Variants in HMCN1 observed in about 807,000 individuals in gnomAD.
The protein encoded by HMCN1 is hemicentin 1.
In HMCN1, 321 loss-of-function variants were observed where a neutral mutation model predicts 625.9. The ratio of observed to expected loss-of-function variants is 0.51; its 90% confidence interval spans 0.47 to 0.56. The LOEUF (loss-of-function observed/expected upper bound fraction) is 0.56. Ranked by LOEUF, HMCN1 falls within the 20% of genes least tolerant of loss-of-function variation. The pLI, the probability that HMCN1 is intolerant of heterozygous loss-of-function variation, is 0.00. For missense variants in HMCN1, 6,588 were observed against 6,887.3 expected, an observed-to-expected ratio of 0.96 and a Z score of 1.54; for synonymous variants, 2,425 against 2,417.6, an observed-to-expected ratio of 1.00 and a Z score of -0.09.
intron 4 of HMCN1, among the ~76,000 whole-genome samples, chr1:185,890,410 C>G (rs1257977509): frequency 6.8e-6 from 1 of 146,754 alleles, no homozygotes; most frequent in Non-Finnish European, 1.5e-5. Flanking sequence ...GTTAGGGTGT[C>G]AATTTTGGAT....
Position 186,007,575 on chromosome 1 carries a change from CTG to C in HMCN1, c.4630+295_4630+296del, listed in dbSNP as rs369980186. ...GTTAGTATATACACAAACCAAATGTCTGTATCTTTGAAAGGAACAAAACAAAC... is the reference window on the plus strand; with the variant it reads ...GTTAGTATATACACAAACCAAATGTCTATCTTTGAAAGGAACAAAACAAAC... On this transcript the variant is annotated intron_variant, in intron 30 of 106. Transcript: ENST00000271588. 7.7e-4 allele frequency among the ~76,000 whole-genome samples: 117 copies of C among 152,200 alleles called. 1 individual carries two copies. Among genetic ancestry groups the C allele is most frequent in the East Asian group, 5.8e-4 (3 of 5,182 alleles).
chr1:185,932,025 T>C (rs2102493364), intron 10 of HMCN1, among the ~76,000 whole-genome samples: 1 of 152,274 alleles, frequency 6.6e-6, no homozygotes, highest in East Asian at 1.9e-4. Context: ...ACCCAAATAT[T>C]GCACGAGGCA....
At chr1:185,849,044 A>G (rs926136812) in intron 2 of HMCN1, among the ~76,000 whole-genome samples, 13 of 151,960 alleles carry the variant, frequency 8.6e-5, no homozygotes, top group Admixed American at 3.9e-4. Flanking sequence ...TACCATATCT[A>G]CTTGACTCTT....
intron 1 of HMCN1, among the ~76,000 whole-genome samples, chr1:185,839,192 T>G (rs1308486203): frequency 1.3e-5 from 2 of 152,180 alleles, no homozygotes; most frequent in Admixed American, 1.3e-4. Flanking sequence ...CCTTCATAAT[T>G]TTTATTTTCT....
chr1:185,934,249 A>G (rs1667702775), intron 11 of HMCN1, among the ~76,000 whole-genome samples: 1 of 152,158 alleles, frequency 6.6e-6, no homozygotes, highest in Non-Finnish European at 1.5e-5. Context: ...TTGTTTAGTA[A>G]TCTCTCACTA....
At chr1:185,743,982 GTTTTT>G (rs1214723950) in intron 1 of HMCN1, among the ~76,000 whole-genome samples, 1,290 of 88,068 alleles carry the variant, frequency 0.015, 5 homozygotes, top group African/African-American at 0.05. Flanking sequence ...TTACTGTTTT[GTTTTT>G]TTTTTTTTTT....
At chr1:186,012,827 C>T (rs1012541296) in intron 30 of HMCN1, among the ~76,000 whole-genome samples, 3 of 151,978 alleles carry the variant, frequency 2.0e-5, no homozygotes, top group African/African-American at 4.8e-5. Context: ...TTTGAAAAAT[C>T]GGGAATATTG....
intron 4 of HMCN1, among the ~76,000 whole-genome samples, chr1:185,874,593 T>C (rs1476143405): frequency 6.6e-6 from 1 of 152,022 alleles, no homozygotes; most frequent in Non-Finnish European, 1.5e-5. Context: ...TGATTTGGCT[T>C]TGTGACAAAA....
At chr1:185,989,687 T>A (rs1652276571) in intron 21 of HMCN1, 40 bp downstream of exon 21, 8 of 1,601,100 alleles carry the variant, frequency 5.0e-6, no homozygotes, top group Non-Finnish European at 6.8e-6. Context: ...TGACATTGTC[T>A]ATCTGTGCCA....
chr1:185,951,153 G>A (rs1197456468), intron 11 of HMCN1, among the ~76,000 whole-genome samples: 132 of 151,312 alleles, frequency 8.7e-4, no homozygotes, highest in African/African-American at 2.9e-3. Context: ...AAGGTGGGGG[G>A]ATACAAGAGG....
At chr1:185,822,298 C>T (rs531464373) in intron 1 of HMCN1, among the ~76,000 whole-genome samples, 1 of 148,324 alleles carries the variant, frequency 6.7e-6, no homozygotes, top group African/African-American at 2.5e-5. Flanking sequence ...GGTTGTGGGG[C>T]GGGGTGGGCA....
In HMCN1 at chr1:186,016,481, A is replaced by G. The variant is rs143866194; in HGVS notation, c.5191+242A>G. 3.9e-5 allele frequency among the ~76,000 whole-genome samples: 6 copies of G among 152,122 alleles called. No individual in the cohort carries two copies. The East Asian group carries it at 9.7e-4, about 25-fold the overall frequency. ...TTGATATTTGCAAGTGCATAGATACATTTTTACGTCTATGACAATGTCTAA... is the reference window on the plus strand; with the variant it reads ...TTGATATTTGCAAGTGCATAGATACGTTTTTACGTCTATGACAATGTCTAA... On this transcript the variant is annotated intron_variant, in intron 32 of 106. Coordinates refer to ENST00000271588, the MANE Select transcript of HMCN1 (RefSeq NM_031935.3).
intron 1 of HMCN1, among the ~76,000 whole-genome samples, chr1:185,784,306 A>T (rs1657395164): frequency 6.6e-6 from 1 of 152,136 alleles, no homozygotes; most frequent in African/African-American, 2.4e-5. Flanking sequence ...TTCCCGGGTG[A>T]GGCAATGCCT....
rs539107929 is a variant in HMCN1 at position 185,876,540 on chromosome 1, C to T, written c.621+10677C>T. ...TACATTCCCACAAACAGTGTGTAAG[C>T]GTTCTCTTTTCTCTTCATCTTTGCC... On this transcript the variant is annotated intron_variant, in intron 4 of 106. Transcript: ENST00000271588. Among the ~76,000 whole-genome samples, 14 of 152,120 alleles carry T rather than the reference C, an allele frequency of 9.2e-5. No individual in the cohort carries two copies. In the East Asian group the frequency reaches 9.7e-4, roughly 11 times the overall value.
At chr1:185,774,248 G>C (rs983911763) in intron 1 of HMCN1, among the ~76,000 whole-genome samples, 1 of 152,062 alleles carries the variant, frequency 6.6e-6, no homozygotes, top group African/African-American at 2.4e-5. Flanking sequence ...GAAGAACATT[G>C]ATGAAATAAA....
chr1:185,993,281 G>T lies in HMCN1; in HGVS notation c.3477G>T (p.Val1159=). ...TTGCCACAAATATTGCTGGGAATGT[G>T]ACTCAGGCTGTCAAATTAAATGTCC... The part of the protein sequence containing the change: ...LCVATNIAGN[V]TQAVKLNVHV... The change falls in exon 23 of 107, where the codon GTG becomes GTT. Residue 1159 remains valine, a synonymous_variant. Coordinates refer to ENST00000271588, the MANE Select transcript of HMCN1 (RefSeq NM_031935.3). The T allele has an allele frequency of 1.2e-6, 2 of 1,613,078 alleles. No individual in the cohort carries two copies. The highest frequency in any genetic ancestry group is 2.2e-5 in the South Asian group (2 of 91,044).
Position 186,144,667 on chromosome 1 carries a change from G to A in HMCN1, c.14230G>A (p.Val4744Ile). The change falls in exon 91 of 107, where the codon GTC (valine) becomes ATC (isoleucine). Residue 4744 changes from valine (V) to isoleucine (I), a missense_variant. Around this residue, in one of 3 missense-constraint regions of HMCN1, gnomAD observed 1,954 missense variants for 2,013.1 expected, o/e 0.97. Coordinates refer to ENST00000271588, the MANE Select transcript of HMCN1 (RefSeq NM_031935.3). ...AGGAAGGAAATGCGAAGGGAGTGAT[G>A]TCCAGAGTGATTTTTGCAACAGTGA... The part of the protein sequence containing the change: ...YGGRKCEGSD[V>I]QSDFCNSDPC... 1 of 1,614,130 alleles carries A rather than the reference G, an allele frequency of 6.2e-7. No homozygotes were observed. Among genetic ancestry groups the A allele is most frequent in the Non-Finnish European group, 8.5e-7 (1 of 1,180,000 alleles).
In HMCN1 at chr1:185,867,866, C is replaced by T. The variant is rs536926698; in HGVS notation, c.621+2003C>T. Among the ~76,000 whole-genome samples, 324 of 152,092 alleles carry T rather than the reference C, an allele frequency of 2.1e-3. 1 individual carries two copies. The highest frequency in any genetic ancestry group is 3.8e-3 in the Non-Finnish European group (258 of 67,986). On this transcript the variant is annotated intron_variant, in intron 4 of 106. Transcript: ENST00000271588. The stretch of plus-strand genomic sequence containing the variant: ...CAGGTGGATCACAAGGTCAGGAGTT[C>T]GAGACCAGCCTGGCCAACATGGTGA...
intron 36 of HMCN1, among the ~76,000 whole-genome samples, chr1:186,033,977 C>T (rs1222019781): frequency 6.6e-6 from 1 of 152,044 alleles, no homozygotes; most frequent in Non-Finnish European, 1.5e-5. Context: ...TATCCTAATC[C>T]TTGAACTTAT....
Sources: allele counts gnomAD v4.1 joint callset (sites outside exome capture counted in the v4.1 genomes callset), GRCh38; gene constraint gnomAD v4.1.1; regional missense constraint gnomAD v4.1.1; transcripts MANE v1.5; gene names NCBI Gene and HGNC (gene_info 2026-07-23, HGNC 2026-07-21).